The following TENM1 variants were observed in gnomAD, a reference collection of about 807,000 sequenced individuals.
TENM1 encodes teneurin-1.
In TENM1, 35 loss-of-function variants were observed where a neutral mutation model predicts 174.8. The observed-to-expected ratio is 0.20, with a 90% CI of 0.15 to 0.27. The LOEUF (loss-of-function observed/expected upper bound fraction) is 0.27. TENM1 is among the 10% of genes least tolerant of loss of function. The pLI, the probability that TENM1 is intolerant of heterozygous loss-of-function variation, is 1.00. For synonymous variants in TENM1, 781 were observed against 798.7 expected (o/e 0.98, Z 0.37); for missense variants, 1,633 against 2,130.1 (o/e 0.77, Z 4.59).
At chrX:124,428,637 T>C (rs1375414412) in intron 23 of TENM1, among the ~76,000 whole-genome samples, 5 of 112,020 alleles carry the variant, frequency 4.5e-5, no homozygotes, top group African/African-American at 6.5e-5. Flanking sequence ...CTTGTAAAGT[T>C]ATTGTGTGGA....
chrX:125,196,005 A>AGAAGGAAGGAAGGAAGGAAG, the TENM1 span, among the ~76,000 whole-genome samples: 11 of 96,408 alleles, frequency 1.1e-4, no homozygotes, highest in African/African-American at 4.8e-4. Flanking sequence ...AAGGAAGAAA[A>AGAAGGAAGGAAGGAAGGAAG]GAAGGAACGA....
chrX:125,138,834 A>G, the TENM1 span, among the ~76,000 whole-genome samples: 1 of 110,735 alleles, frequency 9.0e-6, no homozygotes, highest in African/African-American at 3.3e-5. Context: ...ATAATTATTC[A>G]TTTTGAATGG....
At chrX:124,528,330 T>C (rs150721421) in intron 16 of TENM1, among the ~76,000 whole-genome samples, 2 of 111,771 alleles carry the variant, frequency 1.8e-5, no homozygotes, top group East Asian at 5.6e-4. Context: ...ATTTTTAGAC[T>C]TTTTAGGTAT....
intron 3 of TENM1, among the ~76,000 whole-genome samples, chrX:124,776,886 G>A (rs1463269213): frequency 9.0e-6 from 1 of 111,053 alleles, no homozygotes; most frequent in African/African-American, 3.3e-5. Context: ...AGAAGAGAGG[G>A]ATCCAAGCAA....
intron 6 of TENM1, among the ~76,000 whole-genome samples, chrX:124,656,196 C>T (rs1452827227): frequency 4.4e-5 from 5 of 112,412 alleles, no homozygotes; most frequent in African/African-American, 1.6e-4. Context: ...CTGAACAAAA[C>T]TGGTTGATGG....
At chrX:124,393,413 G>A (rs1183900999) in intron 27 of TENM1, among the ~76,000 whole-genome samples, 1 of 107,779 alleles carries the variant, frequency 9.3e-6, no homozygotes, top group African/African-American at 3.4e-5. Flanking sequence ...GTTTTTTTTT[G>A]TGTGTGTGTG....
chrX:124,994,670 G>A, the TENM1 span, among the ~76,000 whole-genome samples: 2 of 109,928 alleles, frequency 1.8e-5, no homozygotes, highest in African/African-American at 3.3e-5. Context: ...CCTCTGCATC[G>A]AGTCTAGGCT....
At chrX:124,963,613 G>A (rs759274133) in exon 1 of TENM1, 13 of 1,209,806 alleles carry the variant, frequency 1.1e-5, no homozygotes, top group African/African-American at 1.0e-4. Context: ...GGTTATACTC[G>A]TGCAGGGTCT....
At chrX:124,872,030 C>CAAAAAAAAAAAA (rs748541890) in intron 3 of TENM1, among the ~76,000 whole-genome samples, 1 of 35,334 alleles carries the variant, frequency 2.8e-5, no homozygotes, top group African/African-American at 1.0e-4. Flanking sequence ...GACTCTGTCT[C>CAAAAAAAAAAAA]AAAAAAAAAA....
At chrX:124,626,872 T>C (rs773811417) in intron 11 of TENM1, among the ~76,000 whole-genome samples, 2 of 112,196 alleles carry the variant, frequency 1.8e-5, no homozygotes, top group Admixed American at 1.9e-4. Flanking sequence ...AATAGTAGGA[T>C]GTGGGATAAA....
At chrX:125,151,091 A>T in the TENM1 span, among the ~76,000 whole-genome samples, 4 of 112,047 alleles carry the variant, frequency 3.6e-5, no homozygotes, top group Non-Finnish European at 1.9e-5. Flanking sequence ...TCAAAATTCC[A>T]GTGGGCCTAC....
chrX:124,532,898 G>C (rs182766236), intron 15 of TENM1, among the ~76,000 whole-genome samples: 2 of 111,619 alleles, frequency 1.8e-5, no homozygotes, highest in Non-Finnish European at 3.8e-5. Context: ...TTTTATTCCT[G>C]GATTACTAGT....
chrX:124,879,728 T>G (rs1011078129), intron 3 of TENM1, among the ~76,000 whole-genome samples: 1 of 112,465 alleles, frequency 8.9e-6, no homozygotes, highest in Non-Finnish European at 1.9e-5. Flanking sequence ...TAATTAACAT[T>G]CCCACCAACA....
intron 14 of TENM1, among the ~76,000 whole-genome samples, chrX:124,557,685 C>T (rs2048725344): frequency 9.0e-6 from 1 of 111,477 alleles, no homozygotes; most frequent in Non-Finnish European, 1.9e-5. Context: ...TGTTCTAGAG[C>T]TTTTATTCAG....
chrX:124,637,457 T>A (rs1254007559), intron 11 of TENM1, among the ~76,000 whole-genome samples: 1 of 111,470 alleles, frequency 9.0e-6, no homozygotes, highest in Non-Finnish European at 1.9e-5. Flanking sequence ...TTCCCTTATA[T>A]CAAGTTTGCG....
intron 15 of TENM1, among the ~76,000 whole-genome samples, chrX:124,543,456 A>G (rs2148111521): frequency 9.0e-6 from 1 of 111,714 alleles, no homozygotes; most frequent in African/African-American, 3.3e-5. Context: ...TGTTTTTTTA[A>G]ATGCACTTCT....
chrX:124,491,333 C>T (rs1206138530), intron 20 of TENM1, among the ~76,000 whole-genome samples: 10 of 111,787 alleles, frequency 8.9e-5, no homozygotes, highest in African/African-American at 2.9e-4. Context: ...ACTAAGCTCA[C>T]AAATCTGTGA....
intron 23 of TENM1, among the ~76,000 whole-genome samples, chrX:124,425,165 G>C (rs191958035): frequency 2.5e-3 from 285 of 112,106 alleles, no homozygotes; most frequent in African/African-American, 8.7e-3. Context: ...CTTAGGTTGA[G>C]TTCATGTCTT....
At chrX:124,946,692 T>C (rs760097353) in intron 1 of TENM1, among the ~76,000 whole-genome samples, 14 of 111,540 alleles carry the variant, frequency 1.3e-4, no homozygotes, top group Non-Finnish European at 2.6e-4. Flanking sequence ...GAGACCTCGG[T>C]GATCTTGACA....
Sources: allele counts gnomAD v4.1 joint callset (sites outside exome capture counted in the v4.1 genomes callset), GRCh38; gene constraint gnomAD v4.1.1; transcripts MANE v1.5; gene names NCBI Gene and HGNC (gene_info 2026-07-23, HGNC 2026-07-21).